Variants in TENM3 observed in about 807,000 individuals in gnomAD.
TENM3 encodes the protein teneurin transmembrane protein 3.
In TENM3, 63 loss-of-function variants were observed where a neutral mutation model predicts 255.1. The observed-to-expected ratio is 0.25, with a 90% CI of 0.20 to 0.30. The LOEUF (loss-of-function observed/expected upper bound fraction) is 0.30, where lower values mean the gene tolerates loss of function less well. Ranked by LOEUF, TENM3 falls within the 10% of genes least tolerant of loss-of-function variation. The pLI is 1.00. For synonymous variants in TENM3, 1,306 were observed against 1,322.3 expected, an observed-to-expected ratio of 0.99 and a Z score of 0.27; for missense variants, 2,929 against 3,461.1, an observed-to-expected ratio of 0.85 and a Z score of 3.86.
chr4:182,389,370 G>T (rs1368714641), intron 3 of TENM3, among the ~76,000 whole-genome samples: 1 of 111,692 alleles, frequency 9.0e-6, no homozygotes, highest in Non-Finnish European at 1.8e-5. Flanking sequence ...AGCCAATTTG[G>T]GTTTGGTAGA....
At chr4:182,130,161 T>C in the TENM3 span, among the ~76,000 whole-genome samples, 16 of 152,184 alleles carry the variant, frequency 1.1e-4, no homozygotes, top group Non-Finnish European at 1.9e-4. Context: ...ATGTGCAATT[T>C]AATTTAAATC....
the TENM3 span, among the ~76,000 whole-genome samples, chr4:181,933,200 G>A: frequency 2.6e-5 from 4 of 152,046 alleles, no homozygotes; most frequent in African/African-American, 4.8e-5. Flanking sequence ...CTGCATGAAC[G>A]TTTCTGAAGC....
chr4:181,812,509 G>T, the TENM3 span, among the ~76,000 whole-genome samples: 44 of 152,308 alleles, frequency 2.9e-4, no homozygotes, highest in African/African-American at 1.0e-3. Context: ...GACAACTTTT[G>T]TGTATGTTTT....
chr4:182,132,315 T>TAA, the TENM3 span, among the ~76,000 whole-genome samples: 1 of 150,892 alleles, frequency 6.6e-6, no homozygotes, highest in African/African-American at 2.4e-5. Context: ...CCGTCTCTAC[T>TAA]AAAAAAAAAC....
chr4:181,967,343 T>C, the TENM3 span, among the ~76,000 whole-genome samples: 2 of 152,130 alleles, frequency 1.3e-5, no homozygotes, highest in Non-Finnish European at 2.9e-5. Flanking sequence ...AGATATGACA[T>C]TTATTTTTCA....
At chr4:181,832,914 A>G in the TENM3 span, among the ~76,000 whole-genome samples, 1 of 152,210 alleles carries the variant, frequency 6.6e-6, no homozygotes, top group Non-Finnish European at 1.5e-5. Flanking sequence ...GTGCTCCAGA[A>G]GATGAGGAAT....
chr4:182,288,896 T>A (rs1760921200), intron 1 of TENM3, among the ~76,000 whole-genome samples: 1 of 152,112 alleles, frequency 6.6e-6, no homozygotes. Context: ...GGGCTGGAAA[T>A]GTGCTAAGCA....
At chr4:181,698,754 G>T in the TENM3 span, among the ~76,000 whole-genome samples, 1 of 152,228 alleles carries the variant, frequency 6.6e-6, no homozygotes, top group African/African-American at 2.4e-5. Context: ...GATCTTCAAA[G>T]TGCCTTGCGA....
chr4:182,372,584 A>G (rs1766903295), intron 3 of TENM3, among the ~76,000 whole-genome samples: 1 of 152,164 alleles, frequency 6.6e-6, no homozygotes, highest in Non-Finnish European at 1.5e-5. Context: ...TATAAGAGTA[A>G]TGATAAATAC....
chr4:181,601,458 G>A, the TENM3 span, among the ~76,000 whole-genome samples: 264 of 152,190 alleles, frequency 1.7e-3, no homozygotes, highest in Middle Eastern at 3.4e-3. Flanking sequence ...GCTGGCAGAC[G>A]GTTGTCATCT....
intron 6 of TENM3, among the ~76,000 whole-genome samples, chr4:182,659,160 T>C (rs1754003127): frequency 6.6e-6 from 1 of 152,146 alleles, no homozygotes; most frequent in Admixed American, 6.5e-5. Flanking sequence ...GTGGCCATCT[T>C]TGGAAAATAC....
intron 1 of TENM3, among the ~76,000 whole-genome samples, chr4:182,294,704 C>CGGCTTT (rs991697467): frequency 6.6e-6 from 1 of 152,188 alleles, no homozygotes; most frequent in Non-Finnish European, 1.5e-5. Context: ...CTACTGACCA[C>CGGCTTT]GGCTTTGCAT....
At chr4:181,737,899 A>G in the TENM3 span, among the ~76,000 whole-genome samples, 1 of 151,294 alleles carries the variant, frequency 6.6e-6, no homozygotes, top group Non-Finnish European at 1.5e-5. Flanking sequence ...GGCACACGAG[A>G]TTGGTGTAAC....
At chr4:182,401,917 G>A (rs10016289) in intron 3 of TENM3, among the ~76,000 whole-genome samples, 4,376 of 152,242 alleles carry the variant, frequency 0.029, 177 homozygotes, top group African/African-American at 0.089. Context: ...GGTGCGATCC[G>A]TTATTACCAT....
chr4:182,206,457 C>T (rs1754584891), intron 1 of TENM3, among the ~76,000 whole-genome samples: 1 of 152,160 alleles, frequency 6.6e-6, no homozygotes, highest in South Asian at 2.1e-4. Context: ...CCTCTCTGAG[C>T]CTTGGATTCC....
chr4:182,436,206 T>G (rs1373328647), intron 3 of TENM3, among the ~76,000 whole-genome samples: 2 of 152,172 alleles, frequency 1.3e-5, no homozygotes, highest in Non-Finnish European at 2.9e-5. Context: ...GGGAGTCATG[T>G]TAACAATATT....
intron 3 of TENM3, among the ~76,000 whole-genome samples, chr4:182,399,749 G>A (rs765078168): frequency 1.3e-5 from 2 of 152,162 alleles, no homozygotes; most frequent in Non-Finnish European, 2.9e-5. Flanking sequence ...ATCATTGCTC[G>A]CCTGCCAGTT....
chr4:181,947,626 T>G, the TENM3 span, among the ~76,000 whole-genome samples: 1 of 152,100 alleles, frequency 6.6e-6, no homozygotes, highest in East Asian at 1.9e-4. Context: ...TACAGCAAAA[T>G]TCAGTTCATA....
chr4:182,502,272 C>T (rs1012448974), intron 3 of TENM3, among the ~76,000 whole-genome samples: 6 of 152,174 alleles, frequency 3.9e-5, no homozygotes, highest in Admixed American at 1.3e-4. Flanking sequence ...CATGAGGATG[C>T]TGGGGGCGGC....
Sources: gnomAD v4.1 joint callset for allele counts (sites outside exome capture counted in the v4.1 genomes callset) on GRCh38, gnomAD v4.1.1 for gene constraint, MANE v1.5 for transcripts, NCBI Gene and HGNC (gene_info 2026-07-23, HGNC 2026-07-21) for gene names.